The following NCKAP5 variants were observed in gnomAD, a reference collection of about 807,000 sequenced individuals.
NCKAP5 encodes the protein NCK associated protein 5.
A neutral mutation model predicts 167.0 loss-of-function variants in NCKAP5; 92 were observed. That is an observed-to-expected ratio of 0.55 (90% CI 0.47 to 0.66). The LOEUF (loss-of-function observed/expected upper bound fraction) is 0.66, where lower values mean the gene tolerates loss of function less well. Among genes scored for constraint, NCKAP5 ranks in the 30% least tolerant of loss-of-function variants. The probability of loss-of-function intolerance (pLI) is 0.00; values close to 1 mark genes in which losing one functional copy is unlikely to be tolerated. For missense variants in NCKAP5, 2,378 were observed against 2,315.0 expected, an observed-to-expected ratio of 1.03 and a Z score of -0.56; for synonymous variants, 891 against 877.4, an observed-to-expected ratio of 1.02 and a Z score of -0.27.
intron 11 of NCKAP5, among the ~76,000 whole-genome samples, chr2:132,838,836 T>A (rs1370234817): frequency 2.0e-5 from 3 of 152,168 alleles, no homozygotes; most frequent in African/African-American, 7.2e-5. Context: ...AACATTTACA[T>A]ATATGGGAGT....
intron 6 of NCKAP5, among the ~76,000 whole-genome samples, chr2:133,017,047 C>A (rs1251863933): frequency 6.6e-6 from 1 of 152,192 alleles, no homozygotes; most frequent in Non-Finnish European, 1.5e-5. Context: ...TATATCCTTT[C>A]CACACCAACC....
intron 8 of NCKAP5, among the ~76,000 whole-genome samples, chr2:132,924,752 C>G (rs1346076255): frequency 6.6e-6 from 1 of 151,862 alleles, no homozygotes; most frequent in African/African-American, 2.4e-5. Flanking sequence ...TGAGTGTTAA[C>G]CAGAGTAAGT....
intron 5 of NCKAP5, among the ~76,000 whole-genome samples, chr2:133,195,898 T>A (rs1364619916): frequency 6.6e-6 from 1 of 152,096 alleles, no homozygotes; most frequent in Non-Finnish European, 1.5e-5. Flanking sequence ...AGATTATAAA[T>A]TTTAATGCCT....
In NCKAP5 at chr2:133,090,190, G is replaced by T. The variant is rs187809144; in HGVS notation, c.341+39788C>A. On this transcript the variant is annotated intron_variant, in intron 6 of 19. Coordinates refer to ENST00000409261, the MANE Select transcript of NCKAP5 (RefSeq NM_207363.3). The stretch of plus-strand genomic sequence containing the variant: ...AAAGCCAACTGGGGCAATACAGTGA[G>T]ACCTTGTCCATACAAGAAAATTAAA... Among the ~76,000 whole-genome samples the T allele has an allele frequency of 6.1e-3, 901 of 147,198 alleles. 5 individuals carry two copies. The highest frequency in any genetic ancestry group is 0.01 in the Non-Finnish European group (688 of 67,256).
intron 16 of NCKAP5, among the ~76,000 whole-genome samples, chr2:132,755,196 A>T (rs1680432683): frequency 6.6e-6 from 1 of 152,192 alleles, no homozygotes; most frequent in Admixed American, 6.5e-5. Context: ...ATCTGGGAGG[A>T]AGAGGATGAA....
At chr2:132,842,924 G>A (rs908303086) in intron 11 of NCKAP5, among the ~76,000 whole-genome samples, 2 of 152,042 alleles carry the variant, frequency 1.3e-5, no homozygotes, top group Non-Finnish European at 2.9e-5. Flanking sequence ...TCTCTACATA[G>A]TTTTCAAGAT....
the NCKAP5 span, among the ~76,000 whole-genome samples, chr2:133,582,008 C>T: frequency 6.6e-6 from 1 of 152,166 alleles, no homozygotes; most frequent in African/African-American, 2.4e-5. Flanking sequence ...GACACCACGT[C>T]CTGGAGAAAA....
rs548513705 is a variant in NCKAP5 at position 133,513,468 on chromosome 2, C to T, written c.69+3990G>A. The stretch of plus-strand genomic sequence containing the variant: ...AAGGCAAGTCCATGTGGTGCATCCT[C>T]CAGGGATGATTGGCCAGGTAGAGAA... On this transcript the variant is annotated intron_variant, in intron 3 of 19. Coordinates refer to ENST00000409261, the MANE Select transcript of NCKAP5 (RefSeq NM_207363.3). Among the ~76,000 whole-genome samples, 13 of 152,290 alleles carry T rather than the reference C, an allele frequency of 8.5e-5. No homozygotes were observed. The South Asian group carries it at 2.7e-3, about 32-fold the overall frequency.
intron 9 of NCKAP5, among the ~76,000 whole-genome samples, chr2:132,871,973 G>A (rs780598769): frequency 6.8e-4 from 103 of 152,302 alleles, no homozygotes; most frequent in Non-Finnish European, 1.1e-3. Context: ...CCTGGAATGC[G>A]TCCCTGCCCT....
intron 16 of NCKAP5, among the ~76,000 whole-genome samples, chr2:132,766,208 T>A (rs573701212): frequency 1.3e-3 from 184 of 139,856 alleles, no homozygotes; most frequent in Non-Finnish European, 2.1e-3. Context: ...TGAACCAGGG[T>A]GTTGGAGGTT....
chr2:132,713,830 G>A (rs1361914364), intron 19 of NCKAP5, among the ~76,000 whole-genome samples: 1 of 152,142 alleles, frequency 6.6e-6, no homozygotes, highest in East Asian at 1.9e-4. Context: ...GGGGAAAGCT[G>A]GAAACCAACC....
the NCKAP5 span, among the ~76,000 whole-genome samples, chr2:133,587,219 G>A: frequency 6.6e-6 from 1 of 152,142 alleles, no homozygotes; most frequent in Non-Finnish European, 1.5e-5. Flanking sequence ...TGCCAGGGCT[G>A]GAATGCTGGC....
chr2:132,786,133 C>T (rs986687763), intron 13 of NCKAP5, among the ~76,000 whole-genome samples: 1 of 152,146 alleles, frequency 6.6e-6, no homozygotes, highest in Non-Finnish European at 1.5e-5. Context: ...TTCTTTTAAA[C>T]TTACCTAGCT....
At chr2:132,708,737 C>T (rs925693624) in intron 19 of NCKAP5, among the ~76,000 whole-genome samples, 10 of 152,164 alleles carry the variant, frequency 6.6e-5, no homozygotes, top group Admixed American at 6.5e-4. Flanking sequence ...CTTTAGAATG[C>T]CTTCTTACGT....
At chr2:133,584,312 T>C in the NCKAP5 span, among the ~76,000 whole-genome samples, 4 of 152,182 alleles carry the variant, frequency 2.6e-5, no homozygotes, top group Non-Finnish European at 5.9e-5. Flanking sequence ...GACTCCCTCC[T>C]TGGCAGTCAA....
At chr2:133,626,469 A>T in the NCKAP5 span, among the ~76,000 whole-genome samples, 1 of 121,380 alleles carries the variant, frequency 8.2e-6, no homozygotes, top group Admixed American at 9.8e-5. Flanking sequence ...AAGGGAAATA[A>T]AAAGGGGAGA....
intron 12 of NCKAP5, among the ~76,000 whole-genome samples, chr2:132,791,286 A>G (rs899881750): frequency 6.6e-6 from 1 of 152,192 alleles, no homozygotes; most frequent in Non-Finnish European, 1.5e-5. Context: ...TGTAAATATA[A>G]TAGTGCTTTT....
intron 8 of NCKAP5, among the ~76,000 whole-genome samples, chr2:132,932,528 T>C (rs1041906129): frequency 9.2e-5 from 14 of 152,304 alleles, no homozygotes; most frequent in African/African-American, 2.6e-4. Context: ...TCTTTAAGAA[T>C]TTGGTAACAC....
the NCKAP5 span, among the ~76,000 whole-genome samples, chr2:133,667,671 T>A: frequency 2.0e-5 from 3 of 152,064 alleles, no homozygotes; most frequent in African/African-American, 7.3e-5. Context: ...ATATGGCATA[T>A]TGACATCTAT....
Sources: gnomAD v4.1 joint callset for allele counts (sites outside exome capture counted in the v4.1 genomes callset) on GRCh38, gnomAD v4.1.1 for gene constraint, MANE v1.5 for transcripts, NCBI Gene and HGNC (gene_info 2026-07-23, HGNC 2026-07-21) for gene names.